FBN3: variants seen among roughly 807,000 people sequenced by gnomAD.
FBN3 encodes fibrillin-3.
Under a neutral mutation model 330.1 loss-of-function variants are expected in FBN3, and 234 were observed. The observed-to-expected ratio is 0.71, with a 90% CI of 0.64 to 0.79. The LOEUF is 0.79. FBN3 is among the 30% of genes least tolerant of loss of function. The pLI is 0.00. For synonymous variants in FBN3, 1,458 were observed against 1,517.3 expected (o/e 0.96, Z 0.91); for missense variants, 3,606 against 3,886.9 (o/e 0.93, Z 1.92).
At chr19:8,087,257 A>G (rs200325684) in intron 53 of FBN3, 46 bp from the exon 54 acceptor site, 44 of 1,516,818 alleles carry the variant, frequency 2.9e-5, no homozygotes, top group Non-Finnish European at 1.9e-5. Flanking sequence ...CAGGCACCCT[A>G]TGGCTGTGGG....
At chr19:8,136,624 T>C in intron 10 of FBN3, 93 bp from the exon 11 acceptor site, 2 of 1,538,886 alleles carry the variant, frequency 1.3e-6, no homozygotes, top group Non-Finnish European at 1.8e-6. Flanking sequence ...AGATACCCCC[T>C]CTAAGGCTGG....
chr19:8,133,380 C>T (rs73505702), intron 13 of FBN3, among the ~76,000 whole-genome samples: 2,407 of 152,250 alleles, frequency 0.016, 68 homozygotes, highest in African/African-American at 0.055. Context: ...GTGGTTTTTG[C>T]ACAACATTGG....
At chr19:8,082,388 TTC>T (rs966014170) in intron 57 of FBN3, among the ~76,000 whole-genome samples, 5 of 119,188 alleles carry the variant, frequency 4.2e-5, no homozygotes, top group African/African-American at 2.6e-4. Context: ...CTCTTCTTTC[TTC>T]TCTTTTTTCT....
chr19:8,135,936 G>GGGGGGGGGGGGGGGGGCGGC, intron 13 of FBN3, 25 bp downstream of exon 13: 1 of 668,778 alleles, frequency 1.5e-6, no homozygotes, highest in Non-Finnish European at 2.4e-6. Flanking sequence ...GGAAGCCCCT[G>GGGGGGGGGGGGGGGGGCGGC]CCCACCCGCC....
chr19:8,096,530 T>C lies in FBN3; in HGVS notation c.5453A>G (p.His1818Arg), dbSNP rs1000680845. The C allele has an allele frequency of 6.2e-7, 1 of 1,613,788 alleles. No homozygotes were observed. The highest frequency in any genetic ancestry group is 8.5e-7 in the Non-Finnish European group (1 of 1,179,974). ...GCCTTCTGTGTCCATGCAGTCACCA[T>C]GGCTACAGACATTCGGGATCTCCCG... ...ECREIPNVCS[H>R]GDCMDTEGSY... Residue 1818 changes from histidine to arginine, a missense_variant, in exon 44 of 64, where the codon CAT becomes CGT. His to Arg is a conservative substitution (Grantham distance 29). Coordinates refer to ENST00000600128, the MANE Select transcript of FBN3 (RefSeq NM_032447.5). The surrounding 1 kb of genome is among the most constrained non-coding windows in gnomAD (Gnocchi z 4.6).
At position 8,126,810 on chromosome 19, in the gene FBN3, G is replaced by T; in HGVS notation, c.2319C>A (p.Ser773Arg). ...TCCGACAGACGCCACTCACACACGG[G>T]CTGGACAGGCATTCGTCGACATCTG... ...ICKDVDECLS[S>R]PCVSGVCRNL... Residue 773 changes from serine (S) to arginine (R), a missense_variant, in exon 19 of 64, where the codon AGC (serine) becomes AGA (arginine). Physicochemically the swap from Ser to Arg is moderately radical, Grantham distance 110. Transcript: ENST00000600128. The T allele has an allele frequency of 2.5e-6, 4 of 1,576,090 alleles. No individual in the cohort carries two copies. Among genetic ancestry groups the T allele is most frequent in the Non-Finnish European group, 3.4e-6 (4 of 1,164,960 alleles).
At chr19:8,135,936 G>GTCACCCCCCCCCCCCCCC in intron 13 of FBN3, 25 bp downstream of exon 13, 1 of 668,778 alleles carries the variant, frequency 1.5e-6, no homozygotes, top group Non-Finnish European at 2.4e-6. Context: ...GGAAGCCCCT[G>GTCACCCCCCCCCCCCCCC]CCCACCCGCC....
intron 48 of FBN3, among the ~76,000 whole-genome samples, chr19:8,090,974 C>T (rs541201481): frequency 3.5e-4 from 53 of 152,266 alleles, no homozygotes; most frequent in African/African-American, 1.2e-3. Context: ...GGACACCTAT[C>T]AAGTCCTCAC....
chr19:8,073,565 GTGCTA>G (rs1031774885), intron 61 of FBN3, among the ~76,000 whole-genome samples: 5 of 152,228 alleles, frequency 3.3e-5, no homozygotes, highest in African/African-American at 1.2e-4. Context: ...CTCACCCTCA[GTGCTA>G]TTGACACTTG....
intron 16 of FBN3, among the ~76,000 whole-genome samples, chr19:8,130,224 T>C (rs1259723067): frequency 2.7e-5 from 4 of 150,650 alleles, no homozygotes; most frequent in African/African-American, 9.8e-5. Context: ...AAAAATTGGC[T>C]GGGCATGGCA....
At chr19:8,143,309 G>C (rs1467279785) in intron 6 of FBN3, among the ~76,000 whole-genome samples, 1 of 152,018 alleles carries the variant, frequency 6.6e-6, no homozygotes, top group Admixed American at 6.6e-5. Flanking sequence ...CAACTTGCAA[G>C]TCCCTCGGCC....
chr19:8,126,219 G>A lies in FBN3; in HGVS notation c.2605+78C>T, dbSNP rs1014549694. ...AAGACTCCAGGGCGGGGCCGGAGGTGGCACCCATGAGGGTGGTGCGCCTGG... is the reference window on the plus strand; with the variant it reads ...AAGACTCCAGGGCGGGGCCGGAGGTAGCACCCATGAGGGTGGTGCGCCTGG... On this transcript the variant is annotated intron_variant, in intron 21 of 63. Transcript: ENST00000600128. 6.1e-6 allele frequency: 9 copies of A among 1,480,828 alleles called. No individual in the cohort carries two copies. The African/African-American group carries it at 1.2e-4, about 20-fold the overall frequency. The allele number at this position is 1,480,828 out of a possible 1,614,324, so 91.7% of individuals were successfully genotyped here. A position where few individuals can be genotyped will look rare whatever the true frequency, so the allele number is the denominator to read the frequency against.
chr19:8,147,653 A>G (rs1211990107), intron 1 of FBN3, 156 bp from the exon 2 acceptor site: 1 of 529,802 alleles, frequency 1.9e-6, no homozygotes, highest in Non-Finnish European at 3.1e-6. Context: ...GAAGCGGTGA[A>G]CAGTCAGAGG....
chr19:8,101,099 T>C (rs2082318423), intron 40 of FBN3, 127 bp from the exon 41 acceptor site: 1 of 611,532 alleles, frequency 1.6e-6, no homozygotes, highest in Non-Finnish European at 2.8e-6. Flanking sequence ...TTTTTTGCTC[T>C]CCCCACCCTT....
At chr19:8,090,015 G>T in intron 49 of FBN3, 56 bp from the exon 50 acceptor site, 1 of 1,599,358 alleles carries the variant, frequency 6.3e-7, no homozygotes, top group Non-Finnish European at 8.5e-7. Context: ...GCCCCCAGGT[G>T]TGTGCAGGGA....
Position 8,138,539 on chromosome 19 carries a change from T to C in FBN3, c.891A>G (p.Ser297=). 1 of 1,611,604 alleles carries C rather than the reference T, an allele frequency of 6.2e-7. No homozygotes were observed. Among genetic ancestry groups the C allele is most frequent in the Non-Finnish European group, 8.5e-7 (1 of 1,179,712 alleles). Residue 297 remains serine (S), a synonymous_variant, in exon 9 of 64, where the codon TCA becomes TCG. Coordinates refer to ENST00000600128, the MANE Select transcript of FBN3 (RefSeq NM_032447.5). ...CEDYRAGACF[S]VLFGGRCAGD... ...CAGCACAGCGGCCCCCGAAAAGCAC[T>C]GAGAAGCAGGCGCCGGCCCGGTAGT... is the stretch of plus-strand genomic sequence containing the variant.
Position 8,119,066 on chromosome 19 carries a change from A to T in FBN3, c.3212-44T>A, listed in dbSNP as rs763529711. Reference sequence around the variant, plus strand: ...AGAGAGAGCAGGCATGAAGGTGCTGATGCAGGGAGGGGGTGATGAGGCTCA... The same window carrying T: ...AGAGAGAGCAGGCATGAAGGTGCTGTTGCAGGGAGGGGGTGATGAGGCTCA... On this transcript the variant is annotated intron_variant, in intron 25 of 63. Coordinates refer to ENST00000600128, the MANE Select transcript of FBN3 (RefSeq NM_032447.5). 3 of 1,566,188 alleles carry T rather than the reference A, an allele frequency of 1.9e-6. No individual in the cohort carries two copies. The African/African-American group carries it at 4.0e-5, about 21-fold the overall frequency.
At chr19:8,066,386 TA>T in intron 63 of FBN3, 126 bp from the exon 64 acceptor site, 1 of 718,874 alleles carries the variant, frequency 1.4e-6, no homozygotes, top group Non-Finnish European at 2.3e-6. Context: ...GAAAGAGCCA[TA>T]AAAAGGAATG....
intron 63 of FBN3, 25 bp from the exon 64 acceptor site, chr19:8,066,285 GT>G (rs2081389469): frequency 6.7e-7 from 1 of 1,485,198 alleles, no homozygotes; most frequent in Non-Finnish European, 9.0e-7. Context: ...CAGGTGTGTG[GT>G]CAGAGCCCAG....
Sources: gnomAD v4.1 joint callset for allele counts (sites outside exome capture counted in the v4.1 genomes callset) on GRCh38, gnomAD v4.1.1 for gene constraint, Gnocchi (gnomAD v3.1) non-coding constraint, MANE v1.5 for transcripts, NCBI Gene and HGNC (gene_info 2026-07-23, HGNC 2026-07-21) for gene names.